POLA1: variants seen among roughly 807,000 people sequenced by gnomAD.
POLA1 encodes DNA polymerase alpha 1, catalytic subunit, also known as DNA polymerase alpha catalytic subunit.
A neutral mutation model predicts 124.0 loss-of-function variants in POLA1; 15 were observed. The observed-to-expected ratio is 0.12, with a 90% CI of 0.08 to 0.19. POLA1 has a LOEUF of 0.19. Ranked by LOEUF, POLA1 falls within the 10% of genes least tolerant of loss-of-function variation. POLA1 has a pLI of 1.00. For missense variants in POLA1, 886 were observed against 1,103.4 expected, an observed-to-expected ratio of 0.80 and a Z score of 2.79; for synonymous variants, 408 against 389.4, an observed-to-expected ratio of 1.05 and a Z score of -0.56.
At chrX:24,980,089 G>A (rs1157397498) in intron 36 of POLA1, among the ~76,000 whole-genome samples, 2 of 111,261 alleles carry the variant, frequency 1.8e-5, no homozygotes, top group Non-Finnish European at 3.8e-5. Context: ...TTAATAGGGA[G>A]ATGGGGGAGA....
At chrX:24,863,028 T>A (rs2046738672) in intron 34 of POLA1, among the ~76,000 whole-genome samples, 1 of 112,242 alleles carries the variant, frequency 8.9e-6, no homozygotes, top group Non-Finnish European at 1.9e-5. Context: ...TTTTAAACTC[T>A]GAAAATTTTA....
At chrX:24,904,792 A>G (rs2047336358) in intron 35 of POLA1, among the ~76,000 whole-genome samples, 1 of 111,601 alleles carries the variant, frequency 9.0e-6, no homozygotes, top group South Asian at 3.8e-4. Flanking sequence ...TGGGAGGCCA[A>G]GGCAGGAGGA....
intron 35 of POLA1, among the ~76,000 whole-genome samples, chrX:24,902,796 C>A (rs751846397): frequency 8.9e-6 from 1 of 112,158 alleles, no homozygotes; most frequent in East Asian, 2.8e-4. Context: ...CACACAAAAA[C>A]TTCATCAGTG....
rs753118893 is a variant in POLA1 at position 24,696,792 on chromosome X, G to A, written c.44-2633G>A. Among the ~76,000 whole-genome samples the A allele has an allele frequency of 3.0e-4, 34 of 111,816 alleles. No homozygotes were observed. The South Asian group carries it at 0.01, about 33-fold the overall frequency. ...GTAAATGGCAGAGCTGGAATGTGCT[G>A]CTTCTCCCTAACCTGGTTCTCCTAC... On this transcript the variant is annotated intron_variant, in intron 1 of 36. Coordinates refer to ENST00000379068, the MANE Select transcript of POLA1 (RefSeq NM_001330360.2).
chrX:24,766,051 T>C lies in POLA1; in HGVS notation c.2964+17059T>C, dbSNP rs753029750. Among the ~76,000 whole-genome samples, 3 of 112,705 alleles carry C rather than the reference T, an allele frequency of 2.7e-5. No homozygotes were observed. The East Asian group carries it at 8.3e-4, about 31-fold the overall frequency. The stretch of plus-strand genomic sequence containing the variant: ...CTGATCACTTATTTGAACTGCTGTA[T>C]AGTATTCCATCATACAAATATTCTA... On this transcript the variant is annotated intron_variant, in intron 26 of 36. Coordinates refer to ENST00000379068, the MANE Select transcript of POLA1 (RefSeq NM_001330360.2).
rs1382661531 is a variant in POLA1 at position 24,837,912 on chromosome X, G to C, written c.3737-3740G>C. Among the ~76,000 whole-genome samples the C allele has an allele frequency of 3.6e-5, 4 of 112,153 alleles. No homozygotes were observed. The East Asian group carries it at 1.1e-3, about 31-fold the overall frequency. On this transcript the variant is annotated intron_variant, in intron 32 of 36. Coordinates refer to ENST00000379068, the MANE Select transcript of POLA1 (RefSeq NM_001330360.2). ...GTAGTTATTTGCTGTTGCACTAATA[G>C]AGACCTTGTCTTTTGAAGGAAGGAA...
chrX:24,940,202 C>G (rs948891106), intron 36 of POLA1, among the ~76,000 whole-genome samples: 1 of 111,537 alleles, frequency 9.0e-6, no homozygotes, highest in Non-Finnish European at 1.9e-5. Flanking sequence ...AGCTATGATG[C>G]CTTTACCATT....
intron 34 of POLA1, among the ~76,000 whole-genome samples, chrX:24,854,826 C>T (rs1169543846): frequency 9.6e-6 from 1 of 103,741 alleles, no homozygotes; most frequent in African/African-American, 3.6e-5. Flanking sequence ...GGGACTCCAT[C>T]TCAAAAAAAA....
At position 24,743,240 on chromosome X, in the gene POLA1, A is replaced by G. The variant is rs1409230126; in HGVS notation, c.2477A>G (p.Asp826Gly). 1 of 1,055,892 alleles carries G rather than the reference A, an allele frequency of 9.5e-7. No individual in the cohort carries two copies. The allele number at this position is 1,055,892 out of a possible 1,213,427, so 87.0% of individuals were successfully genotyped here. ...RKPQQKLGDE[D>G]EEIDGDTNKY... ...TCCATTTGATATTAGGGAGATGAAG[A>G]TGAAGAAATTGATGGAGATACCAAT... The change falls in exon 23 of 37, where the codon GAT becomes GGT. Residue 826 changes from aspartate to glycine, a missense_variant. Physicochemically the swap from Asp to Gly is moderately conservative, Grantham distance 94. Transcript: ENST00000379068.
In POLA1 at chrX:24,862,589, A is replaced by G. The variant is rs753559048; in HGVS notation, c.4047+18912A>G. Among the ~76,000 whole-genome samples, 13 of 111,505 alleles carry G rather than the reference A, an allele frequency of 1.2e-4. No individual in the cohort carries two copies. In the East Asian group the frequency reaches 3.4e-3, roughly 29 times the overall value. On this transcript the variant is annotated intron_variant, in intron 34 of 36. Transcript: ENST00000379068. ...TCCCTGTGTTAGTTAATCTTTAAAC[A>G]ATCTCTAGCATTAAGAAAAAAGATA...
intron 35 of POLA1, among the ~76,000 whole-genome samples, chrX:24,927,697 C>T (rs1569365407): frequency 8.9e-6 from 1 of 112,036 alleles, no homozygotes; most frequent in South Asian, 3.7e-4. Flanking sequence ...AGCAAGAAAT[C>T]GAACATTTTA....
rs2048332218 is a variant in POLA1 at position 24,973,779 on chromosome X, T to G, written c.4262-22026T>G. On this transcript the variant is annotated intron_variant, in intron 36 of 36. Coordinates refer to ENST00000379068, the MANE Select transcript of POLA1 (RefSeq NM_001330360.2). Reference sequence around the variant, plus strand: ...TGGCGACCATCTACATTGTATTGGTTGCTGCGGACAACCAAAAGCAAACCT... The same window carrying G: ...TGGCGACCATCTACATTGTATTGGTGGCTGCGGACAACCAAAAGCAAACCT... Among the ~76,000 whole-genome samples, 2 of 111,888 alleles carry G rather than the reference T, an allele frequency of 1.8e-5. 1 individual carries two copies. Among genetic ancestry groups the G allele is most frequent in the Admixed American group, 1.9e-4 (2 of 10,608 alleles).
rs755724032 is a variant in POLA1, at chrX:24,941,233, T to C, written c.4261+10684T>C. The stretch of plus-strand genomic sequence containing the variant: ...GGTATTTTTTATTTTTATTTTTTTT[T>C]ACTAGTGCTTGTACCATGCCAGAAT... On this transcript the variant is annotated intron_variant, in intron 36 of 36. Transcript: ENST00000379068. 6.3e-5 allele frequency among the ~76,000 whole-genome samples: 7 copies of C among 111,892 alleles called. No individual in the cohort carries two copies. The East Asian group carries it at 1.9e-3, about 31-fold the overall frequency.
At chrX:24,926,424 C>T (rs2047692732) in intron 35 of POLA1, among the ~76,000 whole-genome samples, 1 of 111,462 alleles carries the variant, frequency 9.0e-6, no homozygotes, top group South Asian at 3.8e-4. Flanking sequence ...TCAAGCCGTA[C>T]ACCTAGTATT....
chrX:24,741,871 TTTA>T, intron 21 of POLA1, 128 bp from the exon 22 acceptor site: 3 of 480,670 alleles, frequency 6.2e-6, no homozygotes, highest in Non-Finnish European at 6.7e-6. Context: ...CTTTTTTTTT[TTTA>T]AAAAAAAAGC....
intron 36 of POLA1, among the ~76,000 whole-genome samples, chrX:24,982,396 T>G (rs2048432019): frequency 9.2e-6 from 1 of 109,288 alleles, no homozygotes; most frequent in African/African-American, 3.3e-5. Context: ...CAGGTGGGGG[T>G]TTTTCCCTTT....
chrX:24,788,916 C>T (rs1368884931), intron 26 of POLA1: 1 of 1,203,813 alleles, frequency 8.3e-7, no homozygotes, highest in Admixed American at 2.2e-5. Flanking sequence ...CAACGTAGGG[C>T]ATGACACAAG....
At chrX:24,709,514 G>A (rs1479929382) in intron 4 of POLA1, among the ~76,000 whole-genome samples, 9 of 109,327 alleles carry the variant, frequency 8.2e-5, no homozygotes, top group African/African-American at 2.6e-4. Context: ...CCTCCCGGAC[G>A]GGGTGGCTGC....
chrX:24,787,717 A>T (rs978348995), intron 26 of POLA1, among the ~76,000 whole-genome samples: 1 of 111,871 alleles, frequency 8.9e-6, no homozygotes, highest in East Asian at 2.8e-4. Context: ...GGTTCCATAC[A>T]AGTTTTAGGA....
Sources: allele counts gnomAD v4.1 joint callset (sites outside exome capture counted in the v4.1 genomes callset), GRCh38; gene constraint gnomAD v4.1.1; transcripts MANE v1.5; gene names NCBI Gene and HGNC (gene_info 2026-07-23, HGNC 2026-07-21).